The following CLK2 variants were observed in gnomAD, a reference collection of about 807,000 sequenced individuals.
The protein encoded by CLK2 is CDC like kinase 2, also known as dual specificity protein kinase CLK2.
Under a neutral mutation model 73.5 loss-of-function variants are expected in CLK2, and 12 were observed. The ratio of observed to expected loss-of-function variants is 0.16; its 90% CI spans 0.10 to 0.26. CLK2 has a LOEUF of 0.26. Among genes scored for constraint, CLK2 ranks in the 10% least tolerant of loss-of-function variants. The pLI is 1.00. For missense variants in CLK2, 509 were observed against 688.4 expected, an observed-to-expected ratio of 0.74 and a Z score of 2.92; for synonymous variants, 232 against 237.9, an observed-to-expected ratio of 0.98 and a Z score of 0.23.
rs1436971542 is a variant in CLK2, at chr1:155,268,253, T to C, written c.554+40A>G. The C allele has an allele frequency of 6.2e-7, 1 of 1,601,420 alleles. No individual in the cohort carries two copies. Among genetic ancestry groups the C allele is most frequent in the Admixed American group, 1.7e-5 (1 of 59,976 alleles). Reference sequence around the variant, plus strand: ...AAAAAGCCCCATATAACCCCAACCATCTCTTTAGCCCCACATAGTAGGGAG... The same window carrying C: ...AAAAAGCCCCATATAACCCCAACCACCTCTTTAGCCCCACATAGTAGGGAG... On this transcript the variant is annotated intron_variant, in intron 5 of 12. Transcript: ENST00000368361. The surrounding 1 kb of genome is among the most constrained non-coding windows in gnomAD (Gnocchi z 5.6).
At chr1:155,265,802 G>A (rs1362602454) in intron 8 of CLK2, 58 bp downstream of exon 8, 11 of 1,130,576 alleles carry the variant, frequency 9.7e-6, no homozygotes, top group East Asian at 2.3e-5. Context: ...CTCGGCAGAA[G>A]GCAAAGTGGT....
At chr1:155,271,063 C>G in intron 1 of CLK2, 86 bp from the exon 2 acceptor site, 1 of 1,335,852 alleles carries the variant, frequency 7.5e-7, no homozygotes, top group Non-Finnish European at 1.1e-6. Flanking sequence ...AGATGCTAAG[C>G]TGCTTTCCCC....
chr1:155,264,231 G>T lies in CLK2; in HGVS notation c.1216C>A (p.Arg406=), dbSNP rs148639197. ...ILGPIPSRMI[R]KTRKQKYFYR... is the part of the protein sequence containing the mutation. ...CCCCTCAAGGTTCACCTTGTCTTTC[G>T]GATCATCCGGGAAGGGATAGGACCC... The change falls in exon 11 of 13, where the codon CGA becomes AGA. Residue 406 remains arginine (R), a synonymous_variant. Coordinates refer to ENST00000368361, the MANE Select transcript of CLK2 (RefSeq NM_001294338.2). 31 of 1,614,036 alleles carry T rather than the reference G, an allele frequency of 1.9e-5. No individual in the cohort carries two copies. The highest frequency in any genetic ancestry group is 2.6e-5 in the Non-Finnish European group (31 of 1,180,018).
chr1:155,265,592 A>AATAAATAAATAAATAAATAT (rs3065804), intron 8 of CLK2, among the ~76,000 whole-genome samples: 11,349 of 149,798 alleles, frequency 0.076, 515 homozygotes, highest in African/African-American at 0.088. Flanking sequence ...TAAATAAATA[A>AATAAATAAATAAATAAATAT]ATAAATAAAT....
In CLK2 at chr1:155,269,468, G is replaced by A. The variant is rs763092034; in HGVS notation, c.399+20C>T. On this transcript the variant is annotated intron_variant, in intron 3 of 12. Transcript: ENST00000368361. The stretch of plus-strand genomic sequence containing the variant: ...GCCTGCAGAAGAGTGGGGAGAGGAA[G>A]GGCCTGGGCTGGCACTCACCGAAGA... 16 of 1,608,136 alleles carry A rather than the reference G, an allele frequency of 9.9e-6. No individual in the cohort carries two copies. Among genetic ancestry groups the A allele is most frequent in the Non-Finnish European group, 1.4e-5 (16 of 1,175,674 alleles).
chr1:155,271,027 TCTC>T (rs1158316239), intron 1 of CLK2, 50 bp from the exon 2 acceptor site: 8 of 1,582,250 alleles, frequency 5.1e-6, no homozygotes, highest in Non-Finnish European at 6.1e-6. Context: ...TTTTCAGAAA[TCTC>T]CTCCAAGGAC....
At chr1:155,270,104 C>T (rs757688188) in intron 2 of CLK2, among the ~76,000 whole-genome samples, 1 of 151,986 alleles carries the variant, frequency 6.6e-6, no homozygotes, top group African/African-American at 2.4e-5. Flanking sequence ...CAGTGGCTCA[C>T]GCCTGTAATC....
chr1:155,263,365 C>G lies in CLK2; in HGVS notation c.1353G>C (p.Gln451His). The change falls in exon 13 of 13, where the codon CAG (glutamine) becomes CAC (histidine). Residue 451 changes from glutamine to histidine, a missense_variant. Physicochemically the swap from Gln to His is conservative, Grantham distance 24. Coordinates refer to ENST00000368361, the MANE Select transcript of CLK2 (RefSeq NM_001294338.2). The part of the protein sequence containing the change: ...YLTSEAEEHH[Q>H]LFDLIESMLE... ...GCATGCTTTCAATCAGATCGAAGAG[C>G]TGGTGGTGTTCCTCTGCCTCTGAGG... The G allele has an allele frequency of 6.2e-7, 1 of 1,614,166 alleles. No individual in the cohort carries two copies. Among genetic ancestry groups the G allele is most frequent in the Non-Finnish European group, 8.5e-7 (1 of 1,180,042 alleles).
intron 12 of CLK2, 162 bp downstream of exon 12, chr1:155,263,788 C>G (rs1025850854): frequency 1.1e-5 from 10 of 914,708 alleles, no homozygotes; most frequent in Non-Finnish European, 1.3e-5. Flanking sequence ...CACAAAACCA[C>G]TCCCTCTTAT....
chr1:155,267,157 C>T (rs948725059), intron 6 of CLK2, among the ~76,000 whole-genome samples: 2 of 152,106 alleles, frequency 1.3e-5, no homozygotes, highest in Admixed American at 6.6e-5. Flanking sequence ...TGCAGTGGCG[C>T]GATCTTGGCT....
intron 2 of CLK2, 140 bp downstream of exon 2, chr1:155,270,668 G>T: frequency 2.2e-6 from 2 of 926,470 alleles, no homozygotes; most frequent in Non-Finnish European, 3.3e-6. Context: ...AGCCCAAATG[G>T]CTTCTTTGGT....
chr1:155,263,672 A>G (rs1205155773), intron 12 of CLK2: 1 of 985,018 alleles, frequency 1.0e-6, no homozygotes. Context: ...ATTAAAATGT[A>G]AGCTCTTCAA....
intron 7 of CLK2, 79 bp downstream of exon 7, chr1:155,266,650 T>C (rs1673246504): frequency 6.1e-6 from 9 of 1,471,156 alleles, no homozygotes; most frequent in Non-Finnish European, 6.4e-6. Context: ...GTTTAGGGGC[T>C]TCACCAGTGC....
Position 155,263,050 on chromosome 1 carries a change from A to C in CLK2, c.*168T>G. The stretch of plus-strand genomic sequence containing the variant: ...TATGTACAAGGCAGGGGTTGAAGTG[A>C]TAGGTACAAGTTCTTTCATATTTAC... On this transcript the variant is annotated 3_prime_UTR_variant, in exon 13 of 13. Coordinates refer to ENST00000368361, the MANE Select transcript of CLK2 (RefSeq NM_001294338.2). 1 of 652,296 alleles carries C rather than the reference A, an allele frequency of 1.5e-6. No homozygotes were observed. The highest frequency in any genetic ancestry group is 2.5e-6 in the Non-Finnish European group (1 of 392,654). 40.4% of individuals were successfully genotyped at this position (652,296 alleles called of 1,614,324 possible).
chr1:155,269,747 T>A, intron 2 of CLK2, 31 bp from the exon 3 acceptor site: 1 of 1,584,312 alleles, frequency 6.3e-7, no homozygotes, highest in East Asian at 2.2e-5. Flanking sequence ...ATGAGGTGTA[T>A]CTGTTCAGAT....
Position 155,264,522 on chromosome 1 carries a change from C to T in CLK2, c.1092G>A (p.Val364=). The T allele has an allele frequency of 6.2e-7, 1 of 1,614,226 alleles. No individual in the cohort carries two copies. The highest frequency in any genetic ancestry group is 8.5e-7 in the Non-Finnish European group (1 of 1,180,046). ...LELGWSQPCD[V]WSIGCIIFEY... ...CAAAGATGATGCAGCCTATACTCCA[C>T]ACATCACAAGGCTGTGACCAGCCCA... is the stretch of plus-strand genomic sequence containing the variant. Residue 364 remains valine (V), a synonymous_variant, in exon 10 of 13, where the codon GTG becomes GTA. Coordinates refer to ENST00000368361, the MANE Select transcript of CLK2 (RefSeq NM_001294338.2).
rs1040937737 is a variant in CLK2 at position 155,270,743 on chromosome 1, G to A, written c.170+65C>T. 7.3e-6 allele frequency: 11 copies of A among 1,514,110 alleles called. No homozygotes were observed. In the Admixed American group the frequency reaches 8.7e-5, roughly 12 times the overall value. 93.8% of individuals were successfully genotyped at this position (1,514,110 alleles called of 1,614,324 possible). On this transcript the variant is annotated intron_variant, in intron 2 of 12. Coordinates refer to ENST00000368361, the MANE Select transcript of CLK2 (RefSeq NM_001294338.2). ...AATGGTTTTAGCATATAACCAATAAGTATTTGTTGAACAAAGGAATGAGCG... is the reference window on the plus strand; with the variant it reads ...AATGGTTTTAGCATATAACCAATAAATATTTGTTGAACAAAGGAATGAGCG...
intron 1 of CLK2, among the ~76,000 whole-genome samples, chr1:155,271,601 G>A (rs530456635): frequency 1.3e-5 from 2 of 152,334 alleles, no homozygotes; most frequent in South Asian, 4.1e-4. Context: ...GTTCACTACA[G>A]AGCAAAGTGT....
intron 11 of CLK2, 59 bp from the exon 12 acceptor site, chr1:155,264,099 T>C (rs1673116760): frequency 6.4e-7 from 1 of 1,562,880 alleles, no homozygotes; most frequent in Non-Finnish European, 8.8e-7. Context: ...ATTCCCTTAT[T>C]TCCCCATCTG....
Sources: allele counts gnomAD v4.1 joint callset (sites outside exome capture counted in the v4.1 genomes callset), GRCh38; gene constraint gnomAD v4.1.1; non-coding constraint Gnocchi (gnomAD v3.1); transcripts MANE v1.5; gene names NCBI Gene and HGNC (gene_info 2026-07-23, HGNC 2026-07-21).